The following BPNT2 variants were observed in gnomAD, a reference collection of about 807,000 sequenced individuals.
The protein encoded by BPNT2 is 3'(2'), 5'-bisphosphate nucleotidase 2.
A neutral mutation model predicts 29.3 loss-of-function variants in BPNT2; 11 were observed. The ratio of observed to expected loss-of-function variants is 0.38; its 90% CI spans 0.24 to 0.62. The LOEUF is 0.62. Ranked by LOEUF, BPNT2 falls within the 20% of genes least tolerant of loss-of-function variation. The probability of loss-of-function intolerance (pLI) is 0.62; values close to 1 mark genes in which losing one functional copy is unlikely to be tolerated. For synonymous variants in BPNT2, 195 were observed against 187.7 expected, an observed-to-expected ratio of 1.04 and a Z score of -0.32; for missense variants, 459 against 473.4, an observed-to-expected ratio of 0.97 and a Z score of 0.28.
At position 56,964,044 on chromosome 8, in the gene BPNT2, A is replaced by G; in HGVS notation, c.829T>C (p.Leu277=). 2.5e-6 allele frequency: 4 copies of G among 1,596,140 alleles called. No individual in the cohort carries two copies. The highest frequency in any genetic ancestry group is 2.2e-5 in the South Asian group (2 of 89,218). Residue 277 remains leucine, a synonymous_variant, in exon 5 of 5, where the codon TTG becomes CTG. Coordinates refer to ENST00000262644, the MANE Select transcript of BPNT2 (RefSeq NM_017813.5). ...TCTTGACTCTTATCAGGCACATCCAAAAGTGCTAAAACTTTATAACCTAAA... is the reference window on the plus strand; with the variant it reads ...TCTTGACTCTTATCAGGCACATCCAGAAGTGCTAAAACTTTATAACCTAAA... The part of the protein sequence containing the change: ...GGAGYKVLAL[L]DVPDKSQEKA...
intron 1 of BPNT2, 70 bp downstream of exon 1, chr8:56,993,129 T>C: frequency 1.3e-6 from 2 of 1,546,502 alleles, no homozygotes; most frequent in Non-Finnish European, 8.7e-7. Flanking sequence ...CCACATCCCA[T>C]ACTGTTAAGA....
At chr8:56,992,274 C>G (rs1806429735) in intron 1 of BPNT2, among the ~76,000 whole-genome samples, 1 of 152,090 alleles carries the variant, frequency 6.6e-6, no homozygotes, top group African/African-American at 2.4e-5. Context: ...ATTTTTCTTC[C>G]CAGTAGCCAA....
At chr8:56,978,829 A>T (rs753120238) in intron 2 of BPNT2, among the ~76,000 whole-genome samples, 11 of 152,178 alleles carry the variant, frequency 7.2e-5, no homozygotes, top group Non-Finnish European at 1.2e-4. Context: ...CTAAGTGGGG[A>T]GCTAAATGAT....
chr8:56,993,439 C>T lies in BPNT2; in HGVS notation c.147G>A (p.Ala49=). ...FGLGGEPGGG[A]AGPAAAADGG... The stretch of plus-strand genomic sequence containing the variant: ...CATCGGCCGCGGCCGCGGGCCCCGC[C>T]GCGCCGCCGCCAGGCTCGCCGCCCA... Residue 49 remains alanine (A), a synonymous_variant, in exon 1 of 5, where the codon GCG becomes GCA. Transcript: ENST00000262644. 1 of 1,480,054 alleles carries T rather than the reference C, an allele frequency of 6.8e-7. No individual in the cohort carries two copies. The highest frequency in any genetic ancestry group is 1.4e-5 in the South Asian group (1 of 73,936). The allele number at this position is 1,480,054 out of a possible 1,614,324, so 91.7% of individuals were successfully genotyped here. A position where few individuals can be genotyped will look rare whatever the true frequency, so the allele number is the denominator to read the frequency against.
chr8:56,966,920 A>T (rs1004992104), intron 3 of BPNT2, among the ~76,000 whole-genome samples: 3 of 152,238 alleles, frequency 2.0e-5, no homozygotes, highest in Non-Finnish European at 4.4e-5. Flanking sequence ...TATAAACAGA[A>T]AACAGTTAAA....
In BPNT2 at chr8:56,958,823, G is replaced by T. The variant is rs1192394460; in HGVS notation, c.*4970C>A. On this transcript the variant is annotated 3_prime_UTR_variant, in exon 5 of 5. Coordinates refer to ENST00000262644, the MANE Select transcript of BPNT2 (RefSeq NM_017813.5). Reference sequence around the variant, plus strand: ...AAACAGCTAGCTTTGGCTACTGCCGGTAGTGGACAATATGGCACATGGAAA... The same window carrying T: ...AAACAGCTAGCTTTGGCTACTGCCGTTAGTGGACAATATGGCACATGGAAA... 6.6e-6 allele frequency: 1 copy of T among 152,196 alleles called. No homozygotes were observed. The highest frequency in any genetic ancestry group is 2.4e-5 in the African/African-American group (1 of 41,438). 9.4% of individuals were successfully genotyped at this position (152,196 alleles called of 1,614,324 possible).
chr8:56,978,406 T>A (rs2129205205), intron 2 of BPNT2, among the ~76,000 whole-genome samples: 1 of 152,026 alleles, frequency 6.6e-6, no homozygotes, highest in African/African-American at 2.4e-5. Flanking sequence ...CAGATGCAAG[T>A]GAGGTTGTGG....
At chr8:56,978,209 C>T in intron 2 of BPNT2, 64 bp from the exon 3 acceptor site, 1 of 994,242 alleles carries the variant, frequency 1.0e-6, no homozygotes, top group Non-Finnish European at 1.6e-6. Flanking sequence ...ATTCAAGATA[C>T]AATATTACAC....
chr8:56,984,474 C>T (rs1806296704), intron 1 of BPNT2, among the ~76,000 whole-genome samples: 1 of 152,200 alleles, frequency 6.6e-6, no homozygotes, highest in South Asian at 2.1e-4. Flanking sequence ...CCTGGAAATT[C>T]TACCTCCCAA....
At chr8:56,984,583 C>T (rs1392085179) in intron 1 of BPNT2, among the ~76,000 whole-genome samples, 2 of 152,186 alleles carry the variant, frequency 1.3e-5, no homozygotes, top group East Asian at 1.9e-4. Context: ...TCACCTCCTA[C>T]AATATATTCA....
At position 56,993,383 on chromosome 8, in the gene BPNT2, G is replaced by A. The variant is rs1252434473; in HGVS notation, c.203C>T (p.Ala68Val). 1 of 1,608,606 alleles carries A rather than the reference G, an allele frequency of 6.2e-7. No homozygotes were observed. The highest frequency in any genetic ancestry group is 1.3e-5 in the African/African-American group (1 of 74,884). ...GGTVDLREMLAVSVLAAVRGG... is the reference protein window; with the variant it reads ...GGTVDLREMLVVSVLAAVRGG... ...GCGGACTGCGGCCAGCACTGACACA[G>A]CCAGCATCTCGCGCAAGTCCACGGT... is the stretch of plus-strand genomic sequence containing the variant. Residue 68 changes from alanine to valine, a missense_variant, in exon 1 of 5, where the codon GCT becomes GTT. Transcript: ENST00000262644.
chr8:56,975,614 C>CCTAAG, intron 3 of BPNT2, among the ~76,000 whole-genome samples: 1 of 152,060 alleles, frequency 6.6e-6, no homozygotes, highest in East Asian at 1.9e-4. Flanking sequence ...CTTAGAGTAA[C>CCTAAG]ATTTTGAACT....
intron 1 of BPNT2, among the ~76,000 whole-genome samples, chr8:56,984,544 T>G (rs1031703961): frequency 1.6e-4 from 24 of 152,232 alleles, no homozygotes; most frequent in African/African-American, 5.5e-4. Flanking sequence ...ATCTCTCACC[T>G]GGATTTCTAC....
At chr8:56,985,872 G>A (rs1472251013) in intron 1 of BPNT2, among the ~76,000 whole-genome samples, 1 of 152,194 alleles carries the variant, frequency 6.6e-6, no homozygotes, top group Non-Finnish European at 1.5e-5. Context: ...CAAAAATGTA[G>A]ATGTACAAAA....
Position 56,963,712 on chromosome 8 carries a change from C to T in BPNT2, c.*81G>A, listed in dbSNP as rs1805884473. The T allele has an allele frequency of 6.6e-7, 1 of 1,518,866 alleles. No homozygotes were observed. Among genetic ancestry groups the T allele is most frequent in the Admixed American group, 1.7e-5 (1 of 59,862 alleles). The allele number at this position is 1,518,866 out of a possible 1,614,324, so 94.1% of individuals were successfully genotyped here. Reference sequence around the variant, plus strand: ...CGGGATGGCCTTAACCATGCATAGTCTCCACCAATCCTTTGAAGCTTCCAG... The same window carrying T: ...CGGGATGGCCTTAACCATGCATAGTTTCCACCAATCCTTTGAAGCTTCCAG... On this transcript the variant is annotated 3_prime_UTR_variant, in exon 5 of 5. Transcript: ENST00000262644.
intron 3 of BPNT2, among the ~76,000 whole-genome samples, chr8:56,968,068 T>C (rs1044538642): frequency 2.6e-5 from 4 of 152,044 alleles, no homozygotes; most frequent in Admixed American, 2.6e-4. Context: ...ATTTCCACAA[T>C]GCAGAGAAAA....
At chr8:56,975,882 G>C (rs1806122249) in intron 3 of BPNT2, among the ~76,000 whole-genome samples, 2 of 152,116 alleles carry the variant, frequency 1.3e-5, no homozygotes, top group Non-Finnish European at 2.9e-5. Flanking sequence ...TTAAATTTTT[G>C]AGTCTCATTT....
intron 1 of BPNT2, among the ~76,000 whole-genome samples, chr8:56,981,460 G>A (rs1356371064): frequency 6.6e-6 from 1 of 152,090 alleles, no homozygotes; most frequent in Admixed American, 6.5e-5. Flanking sequence ...AACCACTCGG[G>A]AGGCTGAGGC....
intron 3 of BPNT2, among the ~76,000 whole-genome samples, chr8:56,969,813 T>C (rs1806003614): frequency 6.6e-6 from 1 of 152,162 alleles, no homozygotes. Context: ...ACATATAAAA[T>C]TCATTAAGAT....
Sources: gnomAD v4.1 joint callset for allele counts (sites outside exome capture counted in the v4.1 genomes callset) on GRCh38, gnomAD v4.1.1 for gene constraint, MANE v1.5 for transcripts, NCBI Gene and HGNC (gene_info 2026-07-23, HGNC 2026-07-21) for gene names.